DNAH17: variants seen among roughly 807,000 people sequenced by gnomAD.
DNAH17 encodes axonemal beta dynein heavy chain 17.
DNAH17 carries 376 observed loss-of-function variants against 485.6 expected under a neutral mutation model. The observed-to-expected ratio is 0.77, with a 90% CI of 0.71 to 0.84. The LOEUF is 0.84. DNAH17 is among the 40% of genes least tolerant of loss of function. DNAH17 has a pLI of 0.00. For missense variants in DNAH17, 6,370 were observed against 5,839.3 expected, an observed-to-expected ratio of 1.09 and a Z score of -2.96; for synonymous variants, 3,031 against 2,405.9, an observed-to-expected ratio of 1.26 and a Z score of -7.60.
Position 78,459,141 on chromosome 17 carries a change from G to A in DNAH17, c.9721C>T (p.Leu3241=). Residue 3241 remains leucine (L), a synonymous_variant, in exon 61 of 81, where the codon CTG becomes TTG. Coordinates refer to ENST00000389840, the MANE Select transcript of DNAH17 (RefSeq NM_173628.4). ...IRSKSTAAAG[L]CSWCINIVRF... is the part of the protein sequence containing the mutation. ...ACGATGTTGATGCACCAGGAGCACA[G>A]GCCGGCGGCGGCCGTGGACTTGGAG... The A allele has an allele frequency of 1.2e-6, 2 of 1,614,002 alleles. No homozygotes were observed. The highest frequency in any genetic ancestry group is 1.7e-6 in the Non-Finnish European group (2 of 1,179,898).
chr17:78,429,370 T>TCAGG (rs1313474522), intron 75 of DNAH17, 70 bp from the exon 76 acceptor site: 61 of 1,525,552 alleles, frequency 4.0e-5, no homozygotes, highest in Middle Eastern at 1.7e-4. Context: ...AGGGTCAGGC[T>TCAGG]CAGGCAGGCA....
intron 58 of DNAH17, 69 bp from the exon 59 acceptor site, chr17:78,460,326 A>G: frequency 2.6e-6 from 2 of 775,934 alleles, no homozygotes. Flanking sequence ...GTGTACGTGC[A>G]TGTGTGTGCA....
chr17:78,561,446 G>A (rs768187374), intron 12 of DNAH17, among the ~76,000 whole-genome samples: 2 of 152,092 alleles, frequency 1.3e-5, no homozygotes, highest in Non-Finnish European at 2.9e-5. Flanking sequence ...TGCATACACA[G>A]CCTCTTCCTG....
At chr17:78,554,473 G>GAAAAAAT (rs1568246690) in intron 14 of DNAH17, among the ~76,000 whole-genome samples, 28 of 124,748 alleles carry the variant, frequency 2.2e-4, no homozygotes, top group South Asian at 5.0e-4. Context: ...AAAAAAAAAG[G>GAAAAAAT]ATAGGTTCTA....
intron 1 of DNAH17, among the ~76,000 whole-genome samples, chr17:78,576,011 A>G (rs142129793): frequency 5.3e-4 from 80 of 152,340 alleles, no homozygotes; most frequent in Admixed American, 2.4e-3. Context: ...TTTCATCACA[A>G]TCTGGGAGGT....
At chr17:78,530,535 G>T (rs1286106436) in intron 20 of DNAH17, 23 bp from the exon 21 acceptor site, 1 of 1,584,106 alleles carries the variant, frequency 6.3e-7, no homozygotes. Flanking sequence ...GCCACCGGCG[G>T]CCTGTCATAG....
Position 78,439,181 on chromosome 17 carries a change from AG to A in DNAH17, c.11713del (p.Leu3905SerfsTer260). ...KLGFTIDNGK[L>X]HNVSLGQGQE... ...TCCCTGCCCCAGGGACACATTATGG[AG>A]TTTTCCATTGTCTATGGTAAACCCT... On this transcript the variant is annotated frameshift_variant, in exon 73 of 81. Coordinates refer to ENST00000389840, the MANE Select transcript of DNAH17 (RefSeq NM_173628.4). LOFTEE classifies it high-confidence loss of function. 1 of 1,613,508 alleles carries A rather than the reference AG, an allele frequency of 6.2e-7. No homozygotes were observed. Among genetic ancestry groups the A allele is most frequent in the South Asian group, 1.1e-5 (1 of 91,060 alleles).
At chr17:78,566,445 A>G (rs1357726670) in intron 11 of DNAH17, among the ~76,000 whole-genome samples, 169 bp downstream of exon 11, 1 of 152,122 alleles carries the variant, frequency 6.6e-6, no homozygotes, top group Admixed American at 6.5e-5. Context: ...CAGGAGCTAC[A>G]CTGGGTGTTC....
rs529842499 is a variant in DNAH17 at position 78,542,022 on chromosome 17, T to C, written c.2532+1835A>G. Among the ~76,000 whole-genome samples the C allele has an allele frequency of 2.4e-4, 36 of 151,988 alleles. No individual in the cohort carries two copies. The South Asian group carries it at 7.5e-3, about 32-fold the overall frequency. On this transcript the variant is annotated intron_variant, in intron 17 of 80. Transcript: ENST00000389840. ...ATGTGACAATAGGAACAGCCAATAA[T>C]GGCCCATCCCCCGGGTGTGGCCTGC...
intron 73 of DNAH17, among the ~76,000 whole-genome samples, chr17:78,438,580 C>G (rs1372960154): frequency 6.7e-6 from 1 of 149,786 alleles, no homozygotes; most frequent in Non-Finnish European, 1.5e-5. Context: ...TCACTGCAAC[C>G]TCTGCCTCCC....
intron 36 of DNAH17, 71 bp downstream of exon 36, chr17:78,500,234 A>AG (rs1209448963): frequency 6.7e-7 from 1 of 1,483,280 alleles, no homozygotes; most frequent in Non-Finnish European, 9.0e-7. Flanking sequence ...GGGGCCTCGG[A>AG]GGACAGGGTG....
At position 78,501,825 on chromosome 17, in the gene DNAH17, C is replaced by T. The variant is rs371582550; in HGVS notation, c.5239G>A (p.Ala1747Thr). The change falls in exon 34 of 81, where the codon GCT (alanine) becomes ACT (threonine). Residue 1747 changes from alanine to threonine, a missense_variant. Transcript: ENST00000389840. ...LITLLMGNLN[A>T]GDRMKIMTIC... is the part of the protein sequence containing the mutation. ...GTCATGATCTTCATCCTGTCGCCAG[C>T]GTTGAGGTTCCCCATGAGCAGCGTG... 2.5e-5 allele frequency: 40 copies of T among 1,614,010 alleles called. No individual in the cohort carries two copies. The highest frequency in any genetic ancestry group is 2.3e-4 in the African/African-American group (17 of 75,054).
intron 13 of DNAH17, among the ~76,000 whole-genome samples, chr17:78,560,426 G>A (rs1395374475): frequency 1.3e-5 from 2 of 152,088 alleles, no homozygotes; most frequent in East Asian, 3.9e-4. Context: ...ATTCTCCCCA[G>A]TGTGCCTGCC....
chr17:78,474,931 G>A (rs924986383), intron 54 of DNAH17, among the ~76,000 whole-genome samples: 3 of 148,380 alleles, frequency 2.0e-5, no homozygotes, highest in Non-Finnish European at 3.0e-5. Context: ...TCAGTCACAC[G>A]GGCCGAAAGG....
intron 73 of DNAH17, among the ~76,000 whole-genome samples, chr17:78,438,385 C>T (rs1476198567): frequency 1.4e-4 from 7 of 48,862 alleles, no homozygotes; most frequent in Non-Finnish European, 2.8e-4. Flanking sequence ...AGAGCATCTC[C>T]TGGGCGCTCT....
chr17:78,459,300 C>G, intron 60 of DNAH17, 92 bp from the exon 61 acceptor site: 1 of 1,276,420 alleles, frequency 7.8e-7, no homozygotes, highest in Non-Finnish European at 1.1e-6. Context: ...CAGGGTGGCA[C>G]AGCTCTGGAG....
At position 78,551,589 on chromosome 17, in the gene DNAH17, C is replaced by G. The variant is rs781530086; in HGVS notation, c.2337G>C (p.Gln779His). Residue 779 changes from glutamine (Q) to histidine (H), a missense_variant, in exon 16 of 81, where the codon CAG (glutamine) becomes CAC (histidine). Physicochemically the swap from Gln to His is conservative, Grantham distance 24. Coordinates refer to ENST00000389840, the MANE Select transcript of DNAH17 (RefSeq NM_173628.4). ...TTTGTTTTGCCTTTTGCATCCTGTT[C>G]TGCAAGTTGTGCAGAATTTCTCGCA... ...QEVREILHNL[Q>H]NRMQKAKQNI... 4 of 1,614,030 alleles carry G rather than the reference C, an allele frequency of 2.5e-6. No homozygotes were observed. Among genetic ancestry groups the G allele is most frequent in the East Asian group, 2.2e-5 (1 of 44,890 alleles).
chr17:78,543,766 C>T, intron 17 of DNAH17, 91 bp downstream of exon 17: 2 of 1,579,868 alleles, frequency 1.3e-6, no homozygotes. Flanking sequence ...TGTCACTAAT[C>T]ATTTTTATGA....
intron 26 of DNAH17, among the ~76,000 whole-genome samples, chr17:78,514,063 C>T (rs1365964201): frequency 6.6e-6 from 1 of 152,116 alleles, no homozygotes; most frequent in Non-Finnish European, 1.5e-5. Flanking sequence ...TGCTAAGACT[C>T]TGAGTTCCTG....
Sources: allele counts gnomAD v4.1 joint callset (sites outside exome capture counted in the v4.1 genomes callset), GRCh38; gene constraint gnomAD v4.1.1; transcripts MANE v1.5; gene names NCBI Gene and HGNC (gene_info 2026-07-23, HGNC 2026-07-21).